ADAMTSL1: variants seen among roughly 807,000 people sequenced by gnomAD.
The protein encoded by ADAMTSL1 is ADAMTS like 1.
Under a neutral mutation model 201.8 loss-of-function variants are expected in ADAMTSL1, and 126 were observed. The observed-to-expected ratio is 0.62, with a 90% CI of 0.54 to 0.72. The LOEUF is 0.72. Ranked by LOEUF, ADAMTSL1 falls within the 30% of genes least tolerant of loss-of-function variation. The pLI is 0.00. For missense variants in ADAMTSL1, 2,679 were observed against 2,277.8 expected (o/e 1.18, Z -3.59); for synonymous variants, 1,121 against 903.4 (o/e 1.24, Z -4.32).
chr9:18,524,284 T>A (rs1479285935), intron 2 of ADAMTSL1, among the ~76,000 whole-genome samples: 1 of 152,230 alleles, frequency 6.6e-6, no homozygotes, highest in African/African-American at 2.4e-5. Flanking sequence ...TTTTGCATAT[T>A]TATTTTGTAT....
At position 18,527,907 on chromosome 9, in the gene ADAMTSL1, T is replaced by G. The variant is rs529139574; in HGVS notation, c.192-5340T>G. Among the ~76,000 whole-genome samples the G allele has an allele frequency of 8.5e-5, 13 of 152,316 alleles. No individual in the cohort carries two copies. The East Asian group carries it at 1.2e-3, about 14-fold the overall frequency. On this transcript the variant is annotated intron_variant, in intron 2 of 28. Coordinates refer to ENST00000380548, the MANE Select transcript of ADAMTSL1 (RefSeq NM_001040272.6). ...CACCCGCCCCCCTCAAGATGGAGTCTTGCTCTGTCGCCCAGGCTGGAATGC... is the reference window on the plus strand; with the variant it reads ...CACCCGCCCCCCTCAAGATGGAGTCGTGCTCTGTCGCCCAGGCTGGAATGC...
upstream of ADAMTSL1, among the ~76,000 whole-genome samples, chr9:18,470,591 A>G (rs1205814135): frequency 6.6e-6 from 1 of 152,138 alleles, no homozygotes; most frequent in African/African-American, 2.4e-5. Flanking sequence ...TGTCCCCTAT[A>G]CACTGGTTTC....
intron 1 of ADAMTSL1, among the ~76,000 whole-genome samples, chr9:18,118,733 G>C (rs1200334437): frequency 6.6e-6 from 1 of 152,158 alleles, no homozygotes; most frequent in African/African-American, 2.4e-5. Flanking sequence ...AATGTCATCT[G>C]CATTGTCAGT....
intron 2 of ADAMTSL1, among the ~76,000 whole-genome samples, chr9:18,418,269 T>C (rs1458186982): frequency 6.6e-6 from 1 of 152,160 alleles, no homozygotes; most frequent in Non-Finnish European, 1.5e-5. Context: ...TCAAACTTAG[T>C]GCGAAAGACT....
At chr9:18,080,734 A>T (rs79738716) in intron 1 of ADAMTSL1, among the ~76,000 whole-genome samples, 4 of 152,240 alleles carry the variant, frequency 2.6e-5, no homozygotes, top group Admixed American at 2.0e-4. Flanking sequence ...GCCTAGAGGC[A>T]CTAAGTGATT....
intron 1 of ADAMTSL1, among the ~76,000 whole-genome samples, chr9:18,108,739 T>A (rs1824871705): frequency 6.6e-6 from 1 of 152,162 alleles, no homozygotes; most frequent in African/African-American, 2.4e-5. Flanking sequence ...TCTTTTAATA[T>A]CCCTTATCAT....
rs140322641 is a variant in ADAMTSL1, at chr9:18,704,268, G to A, written c.1575-2479G>A. Among the ~76,000 whole-genome samples the A allele has an allele frequency of 1.1e-4, 17 of 152,202 alleles. No individual in the cohort carries two copies. In the East Asian group the frequency reaches 2.1e-3, roughly 19 times the overall value. ...AGCTGCAACAGAGTTCACGCAGTCC[G>A]CAAAATCTAAAATATTTTCAATCTG... On this transcript the variant is annotated intron_variant, in intron 13 of 28. Coordinates refer to ENST00000380548, the MANE Select transcript of ADAMTSL1 (RefSeq NM_001040272.6).
At chr9:18,432,422 T>C (rs1218938890) in intron 2 of ADAMTSL1, among the ~76,000 whole-genome samples, 1 of 152,212 alleles carries the variant, frequency 6.6e-6, no homozygotes, top group African/African-American at 2.4e-5. Context: ...ATGTTTCCCG[T>C]AGCAAATAAC....
chr9:18,534,754 C>T (rs1346608246), intron 3 of ADAMTSL1, among the ~76,000 whole-genome samples: 3 of 152,224 alleles, frequency 2.0e-5, no homozygotes, highest in Admixed American at 2.0e-4. Flanking sequence ...ACCTGCAGGA[C>T]CACCACAACA....
intron 15 of ADAMTSL1, among the ~76,000 whole-genome samples, chr9:18,739,946 A>G (rs560410799): frequency 1.4e-5 from 2 of 143,192 alleles, no homozygotes; most frequent in Non-Finnish European, 3.1e-5. Flanking sequence ...CCCAGCCCTG[A>G]GGGAATTAAT....
At chr9:18,043,338 A>G (rs967774404) in intron 1 of ADAMTSL1, among the ~76,000 whole-genome samples, 2 of 152,132 alleles carry the variant, frequency 1.3e-5, no homozygotes, top group African/African-American at 2.4e-5. Flanking sequence ...ATGCCCAAGA[A>G]AGTAGTGGAT....
At chr9:18,344,098 C>G (rs545575995) in intron 2 of ADAMTSL1, among the ~76,000 whole-genome samples, 1 of 152,168 alleles carries the variant, frequency 6.6e-6, no homozygotes, top group South Asian at 2.1e-4. Context: ...CTATGCAGTC[C>G]AGGTCTCACT....
intron 2 of ADAMTSL1, among the ~76,000 whole-genome samples, chr9:18,326,021 T>C (rs1324049413): frequency 6.6e-6 from 1 of 152,046 alleles, no homozygotes; most frequent in Non-Finnish European, 1.5e-5. Flanking sequence ...GGATTACAGG[T>C]GTGAGCCACC....
chr9:18,509,226 A>T (rs1481772409), intron 2 of ADAMTSL1, among the ~76,000 whole-genome samples: 1 of 90,526 alleles, frequency 1.1e-5, no homozygotes, highest in East Asian at 2.1e-4. Flanking sequence ...AAAAAAAAAA[A>T]AAAAAAGAAA....
At chr9:18,383,407 AG>A (rs1289173396) in intron 2 of ADAMTSL1, among the ~76,000 whole-genome samples, 11 of 152,056 alleles carry the variant, frequency 7.2e-5, no homozygotes, top group Admixed American at 3.9e-4. Flanking sequence ...CATTTGCAAA[AG>A]GTAGGCCTAG....
chr9:18,779,619 C>T (rs1380589970), intron 19 of ADAMTSL1, among the ~76,000 whole-genome samples: 1 of 152,214 alleles, frequency 6.6e-6, no homozygotes, highest in Non-Finnish European at 1.5e-5. Flanking sequence ...CGCCCTCCAG[C>T]CCCCACAACT....
At chr9:18,848,052 G>A (rs1187715768) in intron 23 of ADAMTSL1, among the ~76,000 whole-genome samples, 1 of 152,194 alleles carries the variant, frequency 6.6e-6, no homozygotes, top group Admixed American at 6.5e-5. Flanking sequence ...TTATCAGGCT[G>A]GCTCTGGTAC....
intron 8 of ADAMTSL1, among the ~76,000 whole-genome samples, chr9:18,658,693 G>C (rs948670325): frequency 6.6e-6 from 1 of 152,076 alleles, no homozygotes; most frequent in Non-Finnish European, 1.5e-5. Flanking sequence ...ACTACAAAAG[G>C]TTATTTTTCC....
At position 18,510,287 on chromosome 9, in the gene ADAMTSL1, C is replaced by T. The variant is rs143263979; in HGVS notation, c.191+5331C>T. ...GAGTTAATTTTGTTCCCTGATGGAC[C>T]GGGAGCTTGTGAGGAGACTTGGTTT... On this transcript the variant is annotated intron_variant, in intron 2 of 28. Coordinates refer to ENST00000380548, the MANE Select transcript of ADAMTSL1 (RefSeq NM_001040272.6). 7.2e-5 allele frequency among the ~76,000 whole-genome samples: 11 copies of T among 152,188 alleles called. No individual in the cohort carries two copies. In the East Asian group the frequency reaches 7.7e-4, roughly 11 times the overall value.
Sources: allele counts gnomAD v4.1 joint callset (sites outside exome capture counted in the v4.1 genomes callset), GRCh38; gene constraint gnomAD v4.1.1; transcripts MANE v1.5; gene names NCBI Gene and HGNC (gene_info 2026-07-23, HGNC 2026-07-21).